Variants in MBD2 observed in about 807,000 individuals in gnomAD.
MBD2 encodes the protein methyl-CpG-binding domain protein 2.
A neutral mutation model predicts 39.3 loss-of-function variants in MBD2; 9 were observed. The observed-to-expected ratio is 0.23, with a 90% CI of 0.14 to 0.40. The LOEUF (loss-of-function observed/expected upper bound fraction) is 0.40, where lower values mean the gene tolerates loss of function less well. Among genes scored for constraint, MBD2 ranks in the 10% least tolerant of loss-of-function variants. MBD2 has a pLI of 1.00. For missense variants in MBD2, 458 were observed against 532.6 expected, an observed-to-expected ratio of 0.86 and a Z score of 1.38; for synonymous variants, 233 against 211.1, an observed-to-expected ratio of 1.10 and a Z score of -0.90.
intron 1 of MBD2, among the ~76,000 whole-genome samples, chr18:54,209,082 C>T (rs1187314699): frequency 6.6e-6 from 1 of 151,982 alleles, no homozygotes; most frequent in African/African-American, 2.4e-5. Context: ...ATTGCCCGAG[C>T]TCAGGAGTTT....
chr18:54,213,473 C>T (rs561998073), intron 1 of MBD2, among the ~76,000 whole-genome samples: 83 of 152,180 alleles, frequency 5.5e-4, no homozygotes, highest in Non-Finnish European at 6.3e-4. Context: ...AAGTTGGGGA[C>T]CACTGCTCTG....
At chr18:54,157,447 G>A (rs2086061087) in intron 6 of MBD2, among the ~76,000 whole-genome samples, 1 of 152,018 alleles carries the variant, frequency 6.6e-6, no homozygotes, top group South Asian at 2.1e-4. Flanking sequence ...TTTTAGTAGA[G>A]ACAGGGTTTC....
At chr18:54,158,670 G>A (rs2086071699) in intron 6 of MBD2, among the ~76,000 whole-genome samples, 1 of 152,194 alleles carries the variant, frequency 6.6e-6, no homozygotes, top group African/African-American at 2.4e-5. Context: ...ATCCCAGGCT[G>A]GAGTGTAGTG....
chr18:54,174,333 G>A (rs2086196742), intron 3 of MBD2, among the ~76,000 whole-genome samples: 2 of 152,174 alleles, frequency 1.3e-5, no homozygotes, highest in African/African-American at 4.8e-5. Flanking sequence ...GGAAATAGGA[G>A]GTTTATAAAG....
At position 54,159,926 on chromosome 18, in the gene MBD2, G is replaced by T. The variant is rs957985852; in HGVS notation, c.1110-23C>A. The T allele has an allele frequency of 4.4e-6, 7 of 1,608,270 alleles. No individual in the cohort carries two copies. The East Asian group carries it at 1.6e-4, about 36-fold the overall frequency. On this transcript the variant is annotated intron_variant, in intron 5 of 6. Coordinates refer to ENST00000256429, the MANE Select transcript of MBD2 (RefSeq NM_003927.5). ...TTCCTTTTTAAAAACAGAATAAAAA[G>T]GCACTGAGAATTTGGCAAGTAATGA...
chr18:54,153,731 G>A lies in MBD2; in HGVS notation c.*1593C>T, dbSNP rs1200278436. 6.6e-6 allele frequency: 1 copy of A among 152,198 alleles called. No individual in the cohort carries two copies. The highest frequency in any genetic ancestry group is 2.4e-5 in the African/African-American group (1 of 41,412). 9.4% of individuals were successfully genotyped at this position (152,198 alleles called of 1,614,324 possible). ...CCACCCCAGTTGGGACAGTCTGATGGGGCGGGCAGGCACCCTCTACCAATT... is the reference window on the plus strand; with the variant it reads ...CCACCCCAGTTGGGACAGTCTGATGAGGCGGGCAGGCACCCTCTACCAATT... On this transcript the variant is annotated 3_prime_UTR_variant, in exon 7 of 7. Transcript: ENST00000256429.
intron 3 of MBD2, among the ~76,000 whole-genome samples, chr18:54,181,632 G>T (rs2086252538): frequency 6.6e-6 from 1 of 152,090 alleles, no homozygotes; most frequent in South Asian, 2.1e-4. Context: ...CCAAGTAGCT[G>T]GGATTACAGG....
chr18:54,165,346 T>C (rs1348260554), intron 4 of MBD2, among the ~76,000 whole-genome samples: 4 of 152,198 alleles, frequency 2.6e-5, no homozygotes, highest in African/African-American at 9.6e-5. Flanking sequence ...ATGGTCACAT[T>C]TAAATGCAAT....
At position 54,224,227 on chromosome 18, in the gene MBD2, G is replaced by GC. The variant is rs2086641595; in HGVS notation, c.332dup (p.Cys111TrpfsTer75). The GC allele has an allele frequency of 4.3e-5, 45 of 1,048,674 alleles. No individual in the cohort carries two copies. Among genetic ancestry groups the GC allele is most frequent in the Non-Finnish European group, 4.7e-5 (41 of 872,834 alleles). The allele number at this position is 1,048,674 out of a possible 1,614,324, so 65.0% of individuals were successfully genotyped here. ...CGCCGCCACCGCTGCCGCCGCCGCC[G>GC]CAGCCGCCGCCGTCGCCGCCAAGGC... On this transcript the variant is annotated frameshift_variant, in exon 1 of 7. Coordinates refer to ENST00000256429, the MANE Select transcript of MBD2 (RefSeq NM_003927.5). LOFTEE classifies it high-confidence loss of function.
chr18:54,192,096 G>A (rs917025810), intron 2 of MBD2, among the ~76,000 whole-genome samples: 2 of 152,176 alleles, frequency 1.3e-5, no homozygotes, highest in African/African-American at 4.8e-5. Flanking sequence ...GAGGCCCTAA[G>A]TGAAGTCACC....
intron 3 of MBD2, among the ~76,000 whole-genome samples, chr18:54,173,398 C>T (rs776341388): frequency 6.6e-6 from 1 of 152,158 alleles, no homozygotes; most frequent in African/African-American, 2.4e-5. Context: ...CTCTTTTAAG[C>T]ACAAGGCCCT....
intron 2 of MBD2, among the ~76,000 whole-genome samples, chr18:54,199,928 A>G (rs1277608744): frequency 6.6e-6 from 1 of 152,212 alleles, no homozygotes; most frequent in Admixed American, 6.5e-5. Flanking sequence ...ATTGCCACCA[A>G]GATAGGTAAG....
chr18:54,177,827 C>CTTTTTTTTTTTTT (rs34113185), intron 3 of MBD2, among the ~76,000 whole-genome samples: 2 of 87,198 alleles, frequency 2.3e-5, no homozygotes, highest in Non-Finnish European at 4.1e-5. Flanking sequence ...TTTTTCCTCT[C>CTTTTTTTTTTTTT]TTTTTTTTTT....
intron 5 of MBD2, 157 bp from the exon 6 acceptor site, chr18:54,160,060 C>G (rs1221328898): frequency 1.4e-6 from 1 of 700,208 alleles, no homozygotes; most frequent in Admixed American, 2.9e-5. Context: ...ACACACAAAT[C>G]AAACCTCACC....
intron 2 of MBD2, among the ~76,000 whole-genome samples, chr18:54,201,105 T>C (rs912353932): frequency 1.5e-4 from 23 of 151,878 alleles, no homozygotes; most frequent in Admixed American, 1.5e-3. Context: ...AATTGAGTTA[T>C]TCAGTCAGAC....
intron 2 of MBD2, among the ~76,000 whole-genome samples, chr18:54,191,265 T>C (rs981466387): frequency 2.0e-5 from 3 of 152,112 alleles, no homozygotes; most frequent in Non-Finnish European, 2.9e-5. Flanking sequence ...AATTTGCATT[T>C]CTATTAAGGT....
chr18:54,188,841 A>G (rs1405052214), intron 3 of MBD2, 33 bp downstream of exon 3: 1 of 1,556,048 alleles, frequency 6.4e-7, no homozygotes, highest in South Asian at 1.3e-5. Context: ...ATTTTTCTGA[A>G]AAATAAGATT....
At chr18:54,194,228 T>C (rs112996028) in intron 2 of MBD2, among the ~76,000 whole-genome samples, 2 of 4,272 alleles carry the variant, frequency 4.7e-4, no homozygotes, top group African/African-American at 9.8e-3. Context: ...AATGCTAATA[T>C]TTAATAATAA....
Position 54,181,479 on chromosome 18 carries a change from C to T in MBD2, c.840+7395G>A, listed in dbSNP as rs947548793. On this transcript the variant is annotated intron_variant, in intron 3 of 6. Coordinates refer to ENST00000256429, the MANE Select transcript of MBD2 (RefSeq NM_003927.5). ...CTTCATATAGGCAGAGCTGATAAGT[C>T]AATAAATTTTGTCAATTATTTATTT... 5.9e-5 allele frequency among the ~76,000 whole-genome samples: 9 copies of T among 152,094 alleles called. No individual in the cohort carries two copies. The South Asian group carries it at 1.9e-3, about 32-fold the overall frequency.
Sources: gnomAD v4.1 joint callset for allele counts (sites outside exome capture counted in the v4.1 genomes callset) on GRCh38, gnomAD v4.1.1 for gene constraint, MANE v1.5 for transcripts, NCBI Gene and HGNC (gene_info 2026-07-23, HGNC 2026-07-21) for gene names.